Variants in DIAPH1 observed in about 807,000 individuals in gnomAD.
The protein encoded by DIAPH1 is diaphanous related formin 1, also known as protein diaphanous homolog 1.
In DIAPH1, 46 loss-of-function variants were observed where a neutral mutation model predicts 140.7. The ratio of observed to expected loss-of-function variants is 0.33; its 90% CI spans 0.26 to 0.42. The LOEUF (loss-of-function observed/expected upper bound fraction) is 0.42, where lower values mean the gene tolerates loss of function less well. DIAPH1 is among the 10% of genes least tolerant of loss of function. The pLI, the probability that DIAPH1 is intolerant of heterozygous loss-of-function variation, is 1.00. For synonymous variants in DIAPH1, 565 were observed against 551.6 expected, an observed-to-expected ratio of 1.02 and a Z score of -0.34; for missense variants, 1,310 against 1,558.7, an observed-to-expected ratio of 0.84 and a Z score of 2.69.
chr5:141,547,676 T>C (rs79408652), intron 18 of DIAPH1, among the ~76,000 whole-genome samples: 24 of 152,024 alleles, frequency 1.6e-4, no homozygotes, highest in African/African-American at 3.9e-4. Flanking sequence ...GTGAGACACA[T>C]TGAAAAGGCC....
In DIAPH1 at chr5:141,573,503, T is replaced by G. The variant is rs778373397; in HGVS notation, c.2347A>C (p.Asn783His). Residue 783 changes from asparagine to histidine, a missense_variant, in exon 16 of 28, where the codon AAC becomes CAC. By Grantham distance (68) the Asn-to-His change is moderately conservative (BLOSUM62 1). Coordinates refer to ENST00000389054, the MANE Select transcript of DIAPH1 (RefSeq NM_005219.5). ...YKPEVQLRRPNWSKLVAEDLS... is the reference protein window; with the variant it reads ...YKPEVQLRRPHWSKLVAEDLS... ...ACAGAAACTCTTACCTTGGACCAGTTTGGCCTCCGGAGCTGCACCTCTGGC... is the reference window on the plus strand; with the variant it reads ...ACAGAAACTCTTACCTTGGACCAGTGTGGCCTCCGGAGCTGCACCTCTGGC... 1.9e-6 allele frequency: 3 copies of G among 1,612,480 alleles called. No homozygotes were observed. The highest frequency in any genetic ancestry group is 1.7e-5 in the Admixed American group (1 of 59,940).
chr5:141,608,925 C>A (rs998343282), intron 1 of DIAPH1, among the ~76,000 whole-genome samples: 11 of 152,140 alleles, frequency 7.2e-5, no homozygotes, highest in African/African-American at 2.7e-4. Flanking sequence ...AACATTGTTA[C>A]CACTACTTGT....
intron 1 of DIAPH1, among the ~76,000 whole-genome samples, chr5:141,589,912 G>A (rs1021814705): frequency 6.6e-6 from 1 of 151,816 alleles, no homozygotes; most frequent in African/African-American, 2.4e-5. Flanking sequence ...GACGAGTATA[G>A]TAAATCTTTT....
At chr5:141,557,819 G>A (rs1432888716) in intron 18 of DIAPH1, 2 of 152,254 alleles carry the variant, frequency 1.3e-5, no homozygotes, top group Non-Finnish European at 2.9e-5. Context: ...CTGCAGCAAG[G>A]TGTGTCCCTG....
rs749881969 is a variant in DIAPH1, at chr5:141,574,028, G to T, written c.1822C>A (p.Pro608Thr). The change falls in exon 16 of 28, where the codon CCT (proline) becomes ACT (threonine). Residue 608 changes from proline (P) to threonine (T), a missense_variant. By Grantham distance (38) the Pro-to-Thr change is conservative (BLOSUM62 -1). Around this residue, in one of 3 missense-constraint regions of DIAPH1, gnomAD observed 589 missense variants for 549.3 expected, o/e 1.07. Transcript: ENST00000389054. ...GGAGGAGGAGGAGGAGGAGGAGGAG[G>T]AGTGGTACTATCCCCAGGAGCAGGT... ...PPPAPGDSTT[P>T]PPPPPPPPPP... 1.3e-6 allele frequency: 2 copies of T among 1,569,980 alleles called. No homozygotes were observed. Among genetic ancestry groups the T allele is most frequent in the East Asian group, 2.3e-5 (1 of 42,860 alleles).
At chr5:141,604,245 A>G (rs1320622475) in intron 1 of DIAPH1, among the ~76,000 whole-genome samples, 1 of 152,212 alleles carries the variant, frequency 6.6e-6, no homozygotes, top group Non-Finnish European at 1.5e-5. Context: ...TTCCTTTCAA[A>G]CATTCTAAGG....
intron 18 of DIAPH1, among the ~76,000 whole-genome samples, chr5:141,542,799 T>C (rs2099890206): frequency 6.6e-6 from 1 of 152,218 alleles, no homozygotes; most frequent in Admixed American, 6.5e-5. Flanking sequence ...ATTATGAGTA[T>C]ACCAAATGCC....
chr5:141,532,480 T>C (rs2099888381), intron 19 of DIAPH1, among the ~76,000 whole-genome samples: 1 of 152,178 alleles, frequency 6.6e-6, no homozygotes, highest in Non-Finnish European at 1.5e-5. Context: ...AATTCCTTAA[T>C]TGGTCTTTCA....
intron 19 of DIAPH1, among the ~76,000 whole-genome samples, chr5:141,530,689 A>C (rs2099888082): frequency 6.6e-6 from 1 of 152,160 alleles, no homozygotes; most frequent in African/African-American, 2.4e-5. Flanking sequence ...AGAAAAATCA[A>C]AGCCACTGGT....
At chr5:141,567,722 T>TA (rs2099894590) in intron 18 of DIAPH1, among the ~76,000 whole-genome samples, 1 of 152,086 alleles carries the variant, frequency 6.6e-6, no homozygotes, top group African/African-American at 2.4e-5. Context: ...AGAAGAGATA[T>TA]CACAGGGAAA....
chr5:141,529,104 G>A, intron 21 of DIAPH1, 68 bp downstream of exon 21: 1 of 1,548,500 alleles, frequency 6.5e-7, no homozygotes, highest in East Asian at 2.2e-5. Flanking sequence ...CATATGCCCA[G>A]GCTGCTCTCT....
At position 141,575,183 on chromosome 5, in the gene DIAPH1, C is replaced by T. The variant is rs1264706514; in HGVS notation, c.1462-37G>A. 8 of 1,608,188 alleles carry T rather than the reference C, an allele frequency of 5.0e-6. No individual in the cohort carries two copies. In the East Asian group the frequency reaches 1.6e-4, roughly 31 times the overall value. On this transcript the variant is annotated intron_variant, in intron 14 of 27. Transcript: ENST00000389054. Reference sequence around the variant, plus strand: ...ACGAATCAGGCTCCCAGCAAGCTCTCCATCTCAGTAAGAAGCACAAGTATT... The same window carrying T: ...ACGAATCAGGCTCCCAGCAAGCTCTTCATCTCAGTAAGAAGCACAAGTATT...
chr5:141,614,350 A>C (rs950378765), intron 1 of DIAPH1, among the ~76,000 whole-genome samples: 2 of 152,314 alleles, frequency 1.3e-5, no homozygotes, highest in East Asian at 3.9e-4. Flanking sequence ...ATTTCATGGA[A>C]GATATATAAC....
Position 141,574,916 on chromosome 5 carries a change from A to C in DIAPH1, c.1641+51T>G, listed in dbSNP as rs75746518. ...AGATGACTGACTCCTGTTCCAAGCC[A>C]TGTGCATCCTGAGGTTACAGGTCAT... On this transcript the variant is annotated intron_variant, in intron 15 of 27. Transcript: ENST00000389054. 1,560 of 1,604,676 alleles carry C rather than the reference A, an allele frequency of 9.7e-4. 10 individuals are homozygous for C. In the African/African-American group the frequency reaches 0.017, roughly 17 times the overall value.
intron 1 of DIAPH1, among the ~76,000 whole-genome samples, chr5:141,595,503 G>A (rs1229920575): frequency 6.6e-6 from 1 of 152,140 alleles, no homozygotes; most frequent in Non-Finnish European, 1.5e-5. Context: ...GAGGTAATAG[G>A]ATCATGGGGA....
chr5:141,582,272 G>A (rs151255205), intron 7 of DIAPH1, 40 bp downstream of exon 7: 77 of 1,501,610 alleles, frequency 5.1e-5, no homozygotes, highest in Admixed American at 2.5e-4. Context: ...AAGAACAGGC[G>A]TCCAGATGGG....
At chr5:141,591,828 A>G (rs980766220) in intron 1 of DIAPH1, among the ~76,000 whole-genome samples, 2 of 149,952 alleles carry the variant, frequency 1.3e-5, no homozygotes, top group African/African-American at 4.9e-5. Flanking sequence ...TCACGCCTGT[A>G]ATCCCAGCAC....
chr5:141,598,112 T>C lies in DIAPH1; in HGVS notation c.118-9862A>G, dbSNP rs935771094. Among the ~76,000 whole-genome samples the C allele has an allele frequency of 3.3e-5, 5 of 152,224 alleles. No homozygotes were observed. In the South Asian group the frequency reaches 8.3e-4, roughly 25 times the overall value. ...ACTCACAGAATCTGAAGCTGGGCTA[T>C]GACTCTGAGATGGTATTCAGTTTTT... On this transcript the variant is annotated intron_variant, in intron 1 of 27. Transcript: ENST00000389054.
At chr5:141,612,072 A>T (rs1422507498) in intron 1 of DIAPH1, among the ~76,000 whole-genome samples, 1 of 151,326 alleles carries the variant, frequency 6.6e-6, no homozygotes. Flanking sequence ...TGTCTCAAAA[A>T]ATAATAAATA....
Sources: allele counts gnomAD v4.1 joint callset (sites outside exome capture counted in the v4.1 genomes callset), GRCh38; gene constraint gnomAD v4.1.1; regional missense constraint gnomAD v4.1.1; transcripts MANE v1.5; gene names NCBI Gene and HGNC (gene_info 2026-07-23, HGNC 2026-07-21).